LRBA: variants seen among roughly 807,000 people sequenced by gnomAD.
LRBA encodes LPS responsive beige-like anchor protein, also known as lipopolysaccharide-responsive and beige-like anchor protein.
Under a neutral mutation model 330.0 loss-of-function variants are expected in LRBA, and 176 were observed. The observed-to-expected ratio is 0.53, with a 90% CI of 0.47 to 0.60. The LOEUF (loss-of-function observed/expected upper bound fraction) is 0.60, where lower values mean the gene tolerates loss of function less well. Among genes scored for constraint, LRBA ranks in the 20% least tolerant of loss-of-function variants. The pLI is 0.00. For missense variants in LRBA, 3,259 were observed against 3,444.8 expected, an observed-to-expected ratio of 0.95 and a Z score of 1.35; for synonymous variants, 1,230 against 1,193.0, an observed-to-expected ratio of 1.03 and a Z score of -0.64.
chr4:150,998,543 T>C (rs1053988422), intron 2 of LRBA, among the ~76,000 whole-genome samples: 5 of 152,056 alleles, frequency 3.3e-5, no homozygotes, highest in Middle Eastern at 3.4e-3. Context: ...TTTGTAGATA[T>C]AGGATCTCAC....
chr4:150,844,128 C>T lies in LRBA; in HGVS notation c.4541G>A (p.Arg1514Gln), dbSNP rs748470057. Residue 1514 changes from arginine (R) to glutamine (Q), a missense_variant, in exon 28 of 57, where the codon CGG becomes CAG. Coordinates refer to ENST00000651943, the MANE Select transcript of LRBA (RefSeq NM_001364905.1). ...DRLLQDMDIN[R>Q]LRAVVFRDIE... ...GTCTCTGAAAACAACTGCCCTAAGC[C>T]GATTAATATCCATGTCCTGTAGAAG... is the stretch of plus-strand genomic sequence containing the variant. The T allele has an allele frequency of 3.7e-6, 6 of 1,610,222 alleles. No individual in the cohort carries two copies. The highest frequency in any genetic ancestry group is 1.7e-5 in the Admixed American group (1 of 59,942).
At chr4:150,730,374 G>T (rs1156850522) in intron 36 of LRBA, among the ~76,000 whole-genome samples, 2 of 152,048 alleles carry the variant, frequency 1.3e-5, no homozygotes, top group Non-Finnish European at 2.9e-5. Context: ...CATATAAATG[G>T]CAAACAGGCA....
intron 53 of LRBA, among the ~76,000 whole-genome samples, chr4:150,300,676 T>A (rs984767827): frequency 6.6e-6 from 1 of 152,072 alleles, no homozygotes; most frequent in Admixed American, 6.6e-5. Context: ...AGGCCATGCA[T>A]GTAAAAACAA....
chr4:150,389,284 G>A (rs190951317), intron 47 of LRBA, among the ~76,000 whole-genome samples: 1 of 152,064 alleles, frequency 6.6e-6, no homozygotes, highest in Non-Finnish European at 1.5e-5. Context: ...AGCCCAGGAG[G>A]TTGGGGATGC....
At chr4:150,868,158 T>C in intron 21 of LRBA, 24 bp downstream of exon 21, 1 of 1,589,718 alleles carries the variant, frequency 6.3e-7, no homozygotes, top group Admixed American at 1.8e-5. Flanking sequence ...ATACTGCAAA[T>C]AAATGCTTTC....
intron 40 of LRBA, among the ~76,000 whole-genome samples, chr4:150,546,167 A>T (rs1351639169): frequency 6.6e-6 from 1 of 152,238 alleles, no homozygotes; most frequent in East Asian, 1.9e-4. Flanking sequence ...CTAAAATCAT[A>T]CTATTCAACT....
intron 16 of LRBA, among the ~76,000 whole-genome samples, chr4:150,895,522 G>A (rs1025927833): frequency 6.6e-6 from 1 of 152,124 alleles, no homozygotes; most frequent in Non-Finnish European, 1.5e-5. Flanking sequence ...CTATGAGTGA[G>A]AACATGTGGT....
rs143339298 is a variant in LRBA at position 150,465,920 on chromosome 4, AC to A, written c.6780+1752del. ...ATTCAATGATTTTGCTTAATAGGGA[AC>A]ACAGAGAAGAAAATGTTAAAATTAT... On this transcript the variant is annotated intron_variant, in intron 44 of 56. Transcript: ENST00000651943. 1.2e-3 allele frequency among the ~76,000 whole-genome samples: 188 copies of A among 152,230 alleles called. 4 individuals are homozygous for A. The East Asian group carries it at 0.034, about 27-fold the overall frequency.
chr4:150,971,730 A>G (rs1318048489), intron 2 of LRBA, among the ~76,000 whole-genome samples: 2 of 152,232 alleles, frequency 1.3e-5, no homozygotes, highest in Non-Finnish European at 2.9e-5. Context: ...TGAAACATTA[A>G]GAGCTCTGAT....
chr4:150,685,426 T>TTTTTTTTA (rs1783521003), intron 36 of LRBA, among the ~76,000 whole-genome samples: 2 of 23,570 alleles, frequency 8.5e-5, no homozygotes, highest in Non-Finnish European at 1.6e-4. Context: ...ATATATTTTT[T>TTTTTTTTA]TTTTTTTTTT....
intron 2 of LRBA, among the ~76,000 whole-genome samples, chr4:150,953,503 G>A (rs1158461658): frequency 6.6e-6 from 1 of 151,888 alleles, no homozygotes; most frequent in African/African-American, 2.4e-5. Context: ...GCCTGGGATT[G>A]CAGGTGCGCA....
chr4:150,941,501 C>A (rs1193643623), intron 2 of LRBA, among the ~76,000 whole-genome samples: 1 of 152,156 alleles, frequency 6.6e-6, no homozygotes, highest in African/African-American at 2.4e-5. Context: ...AGCTGCCAAG[C>A]TATTCTTAGA....
chr4:150,324,141 C>T (rs1038196200), intron 49 of LRBA, among the ~76,000 whole-genome samples: 1 of 152,090 alleles, frequency 6.6e-6, no homozygotes, highest in African/African-American at 2.4e-5. Flanking sequence ...CTCGGGATAG[C>T]AAAGCTGCTC....
At chr4:150,889,396 A>C (rs1455880436) in intron 17 of LRBA, among the ~76,000 whole-genome samples, 1 of 151,928 alleles carries the variant, frequency 6.6e-6, no homozygotes, top group Non-Finnish European at 1.5e-5. Flanking sequence ...TAATCCCCTC[A>C]CTTTAGGAGG....
intron 37 of LRBA, among the ~76,000 whole-genome samples, chr4:150,618,196 C>T (rs1006014757): frequency 6.6e-6 from 1 of 152,082 alleles, no homozygotes; most frequent in African/African-American, 2.4e-5. Context: ...CTGCAAATTA[C>T]TATTGTTGAA....
At chr4:150,594,304 A>G (rs1310675312) in intron 38 of LRBA, among the ~76,000 whole-genome samples, 1 of 152,084 alleles carries the variant, frequency 6.6e-6, no homozygotes, top group Non-Finnish European at 1.5e-5. Flanking sequence ...GCTTTCTGCT[A>G]AAGAACCTTA....
chr4:150,829,181 C>T (rs1746778551), intron 29 of LRBA, among the ~76,000 whole-genome samples: 1 of 152,134 alleles, frequency 6.6e-6, no homozygotes, highest in Admixed American at 6.5e-5. Flanking sequence ...AGCAATCTAC[C>T]TGCCTCGGCC....
chr4:150,464,020 A>AAT lies in LRBA; in HGVS notation c.6780+3652_6780+3653insAT, dbSNP rs544996756. Among the ~76,000 whole-genome samples, 113 of 151,532 alleles carry AAT rather than the reference A, an allele frequency of 7.5e-4. 3 individuals carry two copies. The South Asian group carries it at 0.022, about 29-fold the overall frequency. On this transcript the variant is annotated intron_variant, in intron 44 of 56. Transcript: ENST00000651943. The stretch of plus-strand genomic sequence containing the variant: ...GAAAAACATATCCTCAAAAAAAAAA[A>AAT]AATAACCTCCCACTTGTCACCATTA...
At chr4:150,534,295 T>G (rs535561396) in intron 40 of LRBA, among the ~76,000 whole-genome samples, 64 of 149,754 alleles carry the variant, frequency 4.3e-4, no homozygotes, top group Non-Finnish European at 8.4e-4. Context: ...TGTATACATA[T>G]GTAACTAACC....
Sources: allele counts gnomAD v4.1 joint callset (sites outside exome capture counted in the v4.1 genomes callset), GRCh38; gene constraint gnomAD v4.1.1; transcripts MANE v1.5; gene names NCBI Gene and HGNC (gene_info 2026-07-23, HGNC 2026-07-21).